Variants in CYYR1 observed in about 807,000 individuals in gnomAD.
CYYR1 encodes cysteine and tyrosine rich 1.
CYYR1 carries 14 observed loss-of-function variants against 15.2 expected under a neutral mutation model. The observed-to-expected ratio is 0.92, with a 90% confidence interval of 0.61 to 1.44. The LOEUF (loss-of-function observed/expected upper bound fraction) is 1.44, where lower values mean the gene tolerates loss of function less well. Ranked by LOEUF, CYYR1 falls within the 40% of genes most tolerant of loss-of-function variation. The pLI is 0.00. For synonymous variants in CYYR1, 80 were observed against 77.4 expected, an observed-to-expected ratio of 1.03 and a Z score of -0.18; for missense variants, 228 against 209.5, an observed-to-expected ratio of 1.09 and a Z score of -0.54.
chr21:26,513,676 G>A (rs969519062), intron 2 of CYYR1, among the ~76,000 whole-genome samples: 2 of 152,020 alleles, frequency 1.3e-5, no homozygotes, highest in African/African-American at 4.8e-5. Context: ...GTAAGAAAAG[G>A]GGATAAAGTG....
intron 2 of CYYR1, among the ~76,000 whole-genome samples, chr21:26,520,110 GGA>G (rs199517518): frequency 0.056 from 2,652 of 47,746 alleles, 277 homozygotes; most frequent in African/African-American, 0.22. Context: ...AAAAAACCCA[GGA>G]GATATATATA....
intron 2 of CYYR1, among the ~76,000 whole-genome samples, chr21:26,559,526 G>A (rs1980052248): frequency 6.6e-6 from 1 of 151,790 alleles, no homozygotes; most frequent in Admixed American, 6.6e-5. Context: ...TTTTATTTTA[G>A]ACATTTTTTC....
In CYYR1 at chr21:26,510,013, G is replaced by A. The variant is rs1304124835; in HGVS notation, c.177-29584C>T. 2.0e-5 allele frequency among the ~76,000 whole-genome samples: 3 copies of A among 152,310 alleles called. No individual in the cohort carries two copies. In the East Asian group the frequency reaches 5.8e-4, roughly 29 times the overall value. The stretch of plus-strand genomic sequence containing the variant: ...AGGGAGCACAGAACAGGATTCAGCA[G>A]GGCTGGATGTAAGATCTCATTGAAC... On this transcript the variant is annotated intron_variant, in intron 2 of 3. Coordinates refer to ENST00000652641, the MANE Select transcript of CYYR1 (RefSeq NM_001320768.2).
intron 2 of CYYR1, chr21:26,482,595 G>A (rs1215484100): frequency 5.2e-6 from 4 of 766,228 alleles, no homozygotes; most frequent in East Asian, 1.3e-4. Context: ...CTTAAAAATC[G>A]ACTCAAAGGA....
chr21:26,510,761 T>G (rs2065636365), intron 2 of CYYR1, among the ~76,000 whole-genome samples: 1 of 152,222 alleles, frequency 6.6e-6, no homozygotes, highest in South Asian at 2.1e-4. Context: ...ATATTGAATT[T>G]ATATATAATA....
chr21:26,555,260 A>G (rs35121317), intron 2 of CYYR1, among the ~76,000 whole-genome samples: 2,310 of 152,304 alleles, frequency 0.015, 30 homozygotes, highest in Non-Finnish European at 0.026. Flanking sequence ...CTCAAAGTAG[A>G]GTTTTCAGCA....
chr21:26,537,052 C>T (rs1358604505), intron 2 of CYYR1, among the ~76,000 whole-genome samples: 1 of 152,138 alleles, frequency 6.6e-6, no homozygotes, highest in Admixed American at 6.6e-5. Flanking sequence ...GGAATCTTAT[C>T]TGGTGTGCGG....
chr21:26,499,713 T>G (rs188728034), intron 2 of CYYR1, among the ~76,000 whole-genome samples: 171 of 152,280 alleles, frequency 1.1e-3, no homozygotes, highest in African/African-American at 3.7e-3. Flanking sequence ...TGGGTCTGAT[T>G]GCACATGAAA....
intron 2 of CYYR1, among the ~76,000 whole-genome samples, chr21:26,554,781 T>C (rs1380351366): frequency 6.6e-6 from 1 of 152,150 alleles, no homozygotes; most frequent in Non-Finnish European, 1.5e-5. Flanking sequence ...ATTATTATTA[T>C]GATTCTTTTT....
chr21:26,504,774 C>A (rs1848005107), intron 2 of CYYR1, among the ~76,000 whole-genome samples: 1 of 152,068 alleles, frequency 6.6e-6, no homozygotes, highest in Non-Finnish European at 1.5e-5. Context: ...TTGTTTTGTA[C>A]CCTTTAACCA....
chr21:26,508,022 G>C (rs2065593147), intron 2 of CYYR1, among the ~76,000 whole-genome samples: 1 of 152,190 alleles, frequency 6.6e-6, no homozygotes, highest in South Asian at 2.1e-4. Flanking sequence ...AGTTACCTAT[G>C]AGGGATCCTG....
intron 3 of CYYR1, among the ~76,000 whole-genome samples, chr21:26,475,807 C>T (rs2065095536): frequency 6.6e-6 from 1 of 152,262 alleles, no homozygotes; most frequent in East Asian, 1.9e-4. Context: ...GTACTAAAAA[C>T]GTCTGCCTGG....
At chr21:26,542,482 G>A (rs915757052) in intron 2 of CYYR1, among the ~76,000 whole-genome samples, 3 of 151,962 alleles carry the variant, frequency 2.0e-5, no homozygotes, top group African/African-American at 4.8e-5. Context: ...AACTCTCAGC[G>A]AATTAGGAAC....
intron 2 of CYYR1, among the ~76,000 whole-genome samples, chr21:26,502,734 T>A (rs989106041): frequency 1.3e-5 from 2 of 152,148 alleles, no homozygotes; most frequent in African/African-American, 4.8e-5. Flanking sequence ...ATATTTTCTG[T>A]TTCCTATTGT....
chr21:26,554,045 G>T (rs1347614647), intron 2 of CYYR1, among the ~76,000 whole-genome samples: 7 of 152,214 alleles, frequency 4.6e-5, no homozygotes, highest in Admixed American at 1.3e-4. Context: ...TCGGAGGCAA[G>T]TTGTTGTGCT....
At chr21:26,493,604 A>C (rs991261426) in intron 2 of CYYR1, among the ~76,000 whole-genome samples, 1 of 152,192 alleles carries the variant, frequency 6.6e-6, no homozygotes, top group Admixed American at 6.5e-5. Context: ...GAGGAAGTTT[A>C]TTCCACTGTG....
rs545328047 is a variant in CYYR1 at position 26,478,422 on chromosome 21, G to GA, written c.334+1849dup. ...CTTGTGAGTTCATGGAACAGCAAGG[G>GA]AAAAAAATGTGACTGGAGACAGAGT... On this transcript the variant is annotated intron_variant, in intron 3 of 3. Coordinates refer to ENST00000652641, the MANE Select transcript of CYYR1 (RefSeq NM_001320768.2). Among the ~76,000 whole-genome samples the GA allele has an allele frequency of 2.7e-3, 417 of 152,098 alleles. 1 individual carries two copies. The highest frequency in any genetic ancestry group is 9.3e-3 in the African/African-American group (384 of 41,512).
At chr21:26,525,282 A>G (rs1267560148) in intron 2 of CYYR1, among the ~76,000 whole-genome samples, 2 of 151,920 alleles carry the variant, frequency 1.3e-5, no homozygotes, top group Non-Finnish European at 2.9e-5. Flanking sequence ...CTTTAAGAAT[A>G]TTAAAAAATA....
chr21:26,546,644 A>T (rs1978995364), intron 2 of CYYR1, among the ~76,000 whole-genome samples: 1 of 152,244 alleles, frequency 6.6e-6, no homozygotes, highest in Admixed American at 6.5e-5. Flanking sequence ...AAATTGAAGT[A>T]GAAAGAGGTC....
Sources: gnomAD v4.1 joint callset for allele counts (sites outside exome capture counted in the v4.1 genomes callset) on GRCh38, gnomAD v4.1.1 for gene constraint, MANE v1.5 for transcripts, NCBI Gene and HGNC (gene_info 2026-07-23, HGNC 2026-07-21) for gene names.